The following KCNJ6 variants were observed in gnomAD, a reference collection of about 807,000 sequenced individuals.
KCNJ6 encodes the protein potassium inwardly rectifying channel subfamily J member 6.
A neutral mutation model predicts 34.2 loss-of-function variants in KCNJ6; 9 were observed. The ratio of observed to expected loss-of-function variants is 0.26; its 90% CI spans 0.16 to 0.46. The LOEUF is 0.46. Among genes scored for constraint, KCNJ6 ranks in the 20% least tolerant of loss-of-function variants. KCNJ6 has a pLI of 1.00. For missense variants in KCNJ6, 236 were observed against 531.3 expected (o/e 0.44, Z 5.46); for synonymous variants, 196 against 207.1 (o/e 0.95, Z 0.46).
Position 37,645,391 on chromosome 21 carries a change from A to C in KCNJ6, c.947-19907T>G, listed in dbSNP as rs1465042683. Among the ~76,000 whole-genome samples the C allele has an allele frequency of 2.0e-5, 3 of 152,096 alleles. No homozygotes were observed. The South Asian group carries it at 6.2e-4, about 32-fold the overall frequency. On this transcript the variant is annotated intron_variant, in intron 3 of 3. Coordinates refer to ENST00000609713, the MANE Select transcript of KCNJ6 (RefSeq NM_002240.5). ...AAAAACAAACAAATAAAAACAAATA[A>C]ACAAAAAAACCAAACAAGCTCCTTA... is the stretch of plus-strand genomic sequence containing the variant.
At chr21:37,852,527 AC>A (rs2055542882) in intron 1 of KCNJ6, among the ~76,000 whole-genome samples, 1 of 152,192 alleles carries the variant, frequency 6.6e-6, no homozygotes, top group Non-Finnish European at 1.5e-5. Flanking sequence ...AAAGGATGAC[AC>A]CTTACTAGTG....
At chr21:37,833,969 G>A (rs1273856830) in intron 2 of KCNJ6, among the ~76,000 whole-genome samples, 1 of 152,126 alleles carries the variant, frequency 6.6e-6, no homozygotes, top group African/African-American at 2.4e-5. Flanking sequence ...GCTTCGCCAA[G>A]CCTCTCTCCT....
intron 3 of KCNJ6, among the ~76,000 whole-genome samples, chr21:37,713,413 C>A (rs1311960894): frequency 6.6e-6 from 1 of 152,182 alleles, no homozygotes; most frequent in East Asian, 1.9e-4. Flanking sequence ...TGAGTCCTAG[C>A]TGATGGCTCT....
Position 37,607,570 on chromosome 21 carries a change from T to C in KCNJ6, c.*17589A>G, listed in dbSNP as rs1275466685. On this transcript the variant is annotated 3_prime_UTR_variant, in exon 4 of 4. Coordinates refer to ENST00000609713, the MANE Select transcript of KCNJ6 (RefSeq NM_002240.5). Reference sequence around the variant, plus strand: ...TCGCATTGAGCATGCTTTCGTCTCATTGTCCGTGCACAGACATACTTGGAG... The same window carrying C: ...TCGCATTGAGCATGCTTTCGTCTCACTGTCCGTGCACAGACATACTTGGAG... The C allele has an allele frequency of 4.0e-5, 6 of 151,690 alleles. No individual in the cohort carries two copies. The East Asian group carries it at 1.2e-3, about 29-fold the overall frequency. The allele number at this position is 151,690 out of a possible 1,614,324, so 9.4% of individuals were successfully genotyped here.
In KCNJ6 at chr21:37,747,648, C is replaced by T. The variant is rs146437172; in HGVS notation, c.26-32517G>A. Among the ~76,000 whole-genome samples, 12 of 151,450 alleles carry T rather than the reference C, an allele frequency of 7.9e-5. No individual in the cohort carries two copies. In the East Asian group the frequency reaches 1.4e-3, roughly 17 times the overall value. On this transcript the variant is annotated intron_variant, in intron 2 of 3. Coordinates refer to ENST00000609713, the MANE Select transcript of KCNJ6 (RefSeq NM_002240.5). ...GGAGAGGGAGGCAGGAGAGGGAGAACGAGAGAGATGGCAATGTGAGAAGGA... is the reference window on the plus strand; with the variant it reads ...GGAGAGGGAGGCAGGAGAGGGAGAATGAGAGAGATGGCAATGTGAGAAGGA...
Position 37,607,482 on chromosome 21 carries a change from A to ATATATATATATATATTT in KCNJ6, c.*17676_*17677insAAATATATATATATATA. ...CTTAAAGATATATATATATATATAT[A>ATATATATATATATATTT]TTTTTTTTTTATTTTAAAAAAATTT... On this transcript the variant is annotated 3_prime_UTR_variant, in exon 4 of 4. Coordinates refer to ENST00000609713, the MANE Select transcript of KCNJ6 (RefSeq NM_002240.5). 434 of 136,680 alleles carry ATATATATATATATATTT rather than the reference A, an allele frequency of 3.2e-3. 1 individual carries two copies. The highest frequency in any genetic ancestry group is 9.2e-3 in the South Asian group (38 of 4,150). 8.5% of individuals were successfully genotyped at this position (136,680 alleles called of 1,614,324 possible).
At chr21:37,884,391 T>C (rs2055724861) in intron 1 of KCNJ6, among the ~76,000 whole-genome samples, 1 of 152,188 alleles carries the variant, frequency 6.6e-6, no homozygotes, top group African/African-American at 2.4e-5. Flanking sequence ...TCACTCCTCC[T>C]TTCCAGCTTC....
At chr21:37,828,625 C>T (rs527364637) in intron 2 of KCNJ6, among the ~76,000 whole-genome samples, 44 of 152,354 alleles carry the variant, frequency 2.9e-4, no homozygotes, top group African/African-American at 9.6e-4. Flanking sequence ...GCATCAGTCC[C>T]GGTCCGGGAG....
At chr21:37,797,618 TA>T (rs2055249983) in intron 2 of KCNJ6, among the ~76,000 whole-genome samples, 1 of 152,088 alleles carries the variant, frequency 6.6e-6, no homozygotes, top group Non-Finnish European at 1.5e-5. Flanking sequence ...TTTTTTTTTC[TA>T]ACCAGTCTAC....
chr21:37,805,117 G>A (rs1278151504), intron 2 of KCNJ6, among the ~76,000 whole-genome samples: 1 of 152,120 alleles, frequency 6.6e-6, no homozygotes, highest in East Asian at 1.9e-4. Flanking sequence ...AAAGGGGGCA[G>A]GTGGAATGAC....
At chr21:37,885,823 T>C (rs548982015) in intron 1 of KCNJ6, among the ~76,000 whole-genome samples, 1 of 152,314 alleles carries the variant, frequency 6.6e-6, no homozygotes, top group African/African-American at 2.4e-5. Flanking sequence ...CTGGAAGCTG[T>C]GAGATGATCA....
intron 1 of KCNJ6, among the ~76,000 whole-genome samples, chr21:37,899,163 T>C (rs551944653): frequency 6.6e-6 from 1 of 152,328 alleles, no homozygotes; most frequent in East Asian, 1.9e-4. Context: ...CTCCGTCTGT[T>C]GAGAAATGTG....
intron 1 of KCNJ6, among the ~76,000 whole-genome samples, chr21:37,877,053 C>A (rs141993121): frequency 1.3e-5 from 2 of 152,090 alleles, no homozygotes; most frequent in African/African-American, 4.8e-5. Context: ...GAGTTGATGT[C>A]GAATGGTTTT....
intron 3 of KCNJ6, among the ~76,000 whole-genome samples, chr21:37,693,647 C>T (rs545782615): frequency 3.3e-5 from 5 of 152,216 alleles, no homozygotes; most frequent in East Asian, 3.9e-4. Flanking sequence ...AAAATTGATA[C>T]GTGATTTTGG....
intron 2 of KCNJ6, among the ~76,000 whole-genome samples, chr21:37,798,573 G>A (rs1289622171): frequency 5.3e-5 from 8 of 152,202 alleles, no homozygotes; most frequent in Non-Finnish European, 1.5e-5. Context: ...TGTCCAGGAC[G>A]GAATATGATT....
In KCNJ6 at chr21:37,641,220, C is replaced by T. The variant is rs529474984; in HGVS notation, c.947-15736G>A. ...TCTGTCTTGGCCACAATTTTATCTCCATTCCATAGTATAGTATTTGGCTAT... is the reference window on the plus strand; with the variant it reads ...TCTGTCTTGGCCACAATTTTATCTCTATTCCATAGTATAGTATTTGGCTAT... On this transcript the variant is annotated intron_variant, in intron 3 of 3. Coordinates refer to ENST00000609713, the MANE Select transcript of KCNJ6 (RefSeq NM_002240.5). Among the ~76,000 whole-genome samples, 41 of 152,234 alleles carry T rather than the reference C, an allele frequency of 2.7e-4. No individual in the cohort carries two copies. The South Asian group carries it at 8.1e-3, about 30-fold the overall frequency.
At chr21:37,721,885 C>G (rs2054828336) in intron 2 of KCNJ6, among the ~76,000 whole-genome samples, 1 of 152,160 alleles carries the variant, frequency 6.6e-6, no homozygotes, top group African/African-American at 2.4e-5. Context: ...TGCTTGCTTC[C>G]TGATGGACAA....
chr21:37,683,356 AG>A (rs1452678659), intron 3 of KCNJ6, among the ~76,000 whole-genome samples: 1 of 152,156 alleles, frequency 6.6e-6, no homozygotes, highest in Non-Finnish European at 1.5e-5. Flanking sequence ...GGGATTTTCC[AG>A]GTTCTTGCTT....
intron 2 of KCNJ6, among the ~76,000 whole-genome samples, chr21:37,804,853 T>C (rs774991359): frequency 4.6e-5 from 7 of 152,198 alleles, no homozygotes; most frequent in Non-Finnish European, 8.8e-5. Flanking sequence ...ATGTCTTTAC[T>C]ATAGTGAGTA....
Sources: gnomAD v4.1 joint callset for allele counts (sites outside exome capture counted in the v4.1 genomes callset) on GRCh38, gnomAD v4.1.1 for gene constraint, MANE v1.5 for transcripts, NCBI Gene and HGNC (gene_info 2026-07-23, HGNC 2026-07-21) for gene names.